CCNL2: variants seen among roughly 807,000 people sequenced by gnomAD.
The protein encoded by CCNL2 is cyclin-L2.
A neutral mutation model predicts 59.1 loss-of-function variants in CCNL2; 28 were observed. The observed-to-expected ratio is 0.47, with a 90% CI of 0.35 to 0.65. The LOEUF (loss-of-function observed/expected upper bound fraction) is 0.65. Ranked by LOEUF, CCNL2 falls within the 30% of genes least tolerant of loss-of-function variation. The pLI is 0.00. For synonymous variants in CCNL2, 342 were observed against 288.6 expected, an observed-to-expected ratio of 1.19 and a Z score of -1.88; for missense variants, 714 against 717.4, an observed-to-expected ratio of 1.00 and a Z score of 0.05.
At chr1:1,391,603 A>G (rs1178858481) in intron 5 of CCNL2, 2 of 1,271,282 alleles carry the variant, frequency 1.6e-6, no homozygotes, top group African/African-American at 1.5e-5. Context: ...TAGAATCAGA[A>G]GCAACACAAT....
intron 8 of CCNL2, chr1:1,388,532 A>G (rs1644582494): frequency 4.4e-6 from 2 of 452,514 alleles, no homozygotes; most frequent in Non-Finnish European, 8.8e-6. Flanking sequence ...AAAACAAAAC[A>G]AAACAAAAAA....
rs1644696747 is a variant in CCNL2 at position 1,390,331 on chromosome 1, TTTC to T, written c.902_904del (p.Arg301del). ...GGCCTTTGCCTCTTCGATAGCGTGC[TTTC>T]TTTTTTCCACTTCACCCTCCAGGTG... On this transcript the variant is annotated inframe_deletion, in exon 8 of 11. Transcript: ENST00000400809. 6.2e-7 allele frequency: 1 copy of T among 1,613,974 alleles called. No individual in the cohort carries two copies. Among genetic ancestry groups the T allele is most frequent in the Non-Finnish European group, 8.5e-7 (1 of 1,179,882 alleles).
At chr1:1,390,094 G>A (rs1644680111) in intron 8 of CCNL2, 136 bp downstream of exon 8, 12 of 807,586 alleles carry the variant, frequency 1.5e-5, no homozygotes. Flanking sequence ...CTCCAGCCTG[G>A]GTGACAGAGA....
chr1:1,385,753 TA>T lies in CCNL2; in HGVS notation c.*1477del, dbSNP rs917074259. 57 of 152,350 alleles carry T rather than the reference TA, an allele frequency of 3.7e-4. 1 individual carries two copies. Among genetic ancestry groups the T allele is most frequent in the African/African-American group, 1.3e-3 (54 of 41,566 alleles). The allele number at this position is 152,350 out of a possible 1,614,324, so 9.4% of individuals were successfully genotyped here. ...TTATGTCATAATAATATTTTACAAT[TA>T]TTTAGTAAAAAAAGAAAGCAAATGG... On this transcript the variant is annotated 3_prime_UTR_variant, in exon 11 of 11. Coordinates refer to ENST00000400809, the MANE Select transcript of CCNL2 (RefSeq NM_030937.6).
chr1:1,390,211 T>C lies in CCNL2; in HGVS notation c.1006+19A>G. On this transcript the variant is annotated intron_variant, in intron 8 of 10. Transcript: ENST00000400809. ...TTTGCCTTTGTGGGGAGTGGATTCC[T>C]GCACTCTAACAGACTCACCCAGCTT... is the stretch of plus-strand genomic sequence containing the variant. 2 of 1,589,886 alleles carry C rather than the reference T, an allele frequency of 1.3e-6. No homozygotes were observed. Among genetic ancestry groups the C allele is most frequent in the Non-Finnish European group, 1.7e-6 (2 of 1,163,424 alleles).
At chr1:1,398,115 A>G (rs1252132139) in intron 3 of CCNL2, 118 bp downstream of exon 3, 4 of 956,928 alleles carry the variant, frequency 4.2e-6, no homozygotes, top group Non-Finnish European at 4.7e-6. Flanking sequence ...GCGCTCATGA[A>G]TATCCCACAG....
intron 5 of CCNL2, chr1:1,391,719 A>G (rs1323907696): frequency 4.5e-6 from 2 of 448,258 alleles, no homozygotes; most frequent in Non-Finnish European, 7.4e-6. Context: ...AAAAATTTAC[A>G]TTTTTTAAAA....
chr1:1,392,744 T>C (rs1299200783), intron 5 of CCNL2: 1 of 1,606,922 alleles, frequency 6.2e-7, no homozygotes. Flanking sequence ...CCGCTGTCCC[T>C]GCACCAAAGC....
At chr1:1,396,557 C>T (rs116584203) in intron 3 of CCNL2, among the ~76,000 whole-genome samples, 1,807 of 141,372 alleles carry the variant, frequency 0.013, 39 homozygotes, top group African/African-American at 0.045. Flanking sequence ...TGAGCCACTG[C>T]GCTCGGCAAG....
chr1:1,387,760 C>T lies in CCNL2; in HGVS notation c.1211+17G>A, dbSNP rs780081134. On this transcript the variant is annotated intron_variant, in intron 10 of 10. Coordinates refer to ENST00000400809, the MANE Select transcript of CCNL2 (RefSeq NM_030937.6). The stretch of plus-strand genomic sequence containing the variant: ...CACCCCGGTATCGGCCTCCTGGGTG[C>T]GCCCTGAGGCACACACCTCCTCTTA... The T allele has an allele frequency of 1.3e-5, 20 of 1,534,708 alleles. No individual in the cohort carries two copies. Among genetic ancestry groups the T allele is most frequent in the Admixed American group, 3.7e-5 (2 of 54,414 alleles).
At chr1:1,395,098 G>GA (rs1313541302) in intron 4 of CCNL2, 2 of 319,618 alleles carry the variant, frequency 6.3e-6, no homozygotes, top group African/African-American at 4.3e-5. Context: ...TAACTGTAGA[G>GA]AAAGGAAAAC....
At chr1:1,398,557 A>G (rs1645180055) in intron 2 of CCNL2, 40 bp downstream of exon 2, 1 of 1,601,280 alleles carries the variant, frequency 6.2e-7, no homozygotes, top group Middle Eastern at 1.7e-4. Flanking sequence ...TTTACCCTCA[A>G]CATACTTCGC....
intron 3 of CCNL2, among the ~76,000 whole-genome samples, chr1:1,397,088 G>C (rs1645076873): frequency 6.6e-6 from 1 of 152,124 alleles, no homozygotes; most frequent in Admixed American, 6.6e-5. Context: ...CACCATATTG[G>C]TTAGGCTGGT....
chr1:1,391,550 C>G (rs1340192747), intron 5 of CCNL2: 1 of 1,305,210 alleles, frequency 7.7e-7, no homozygotes, highest in Admixed American at 2.3e-5. Flanking sequence ...AGAGCCGCTG[C>G]CAACTGTCCC....
rs1332904323 is a variant in CCNL2, at chr1:1,399,242, G to A, written c.65C>T (p.Ala22Val). ...GSAAPAAAAG[A>V]PGSGGAPSGS... Reference sequence around the variant, plus strand: ...TGAGGGTGCGCCCCCAGATCCCGGGGCGCCGGCCGCTGCCGCGGGAGCTGC... The same window carrying A: ...TGAGGGTGCGCCCCCAGATCCCGGGACGCCGGCCGCTGCCGCGGGAGCTGC... Residue 22 changes from alanine (A) to valine (V), a missense_variant, in exon 1 of 11, where the codon GCC becomes GTC. Ala to Val is a moderately conservative substitution (Grantham distance 64). Transcript: ENST00000400809. 6.3e-6 allele frequency: 10 copies of A among 1,590,098 alleles called. No homozygotes were observed. The highest frequency in any genetic ancestry group is 8.5e-6 in the Non-Finnish European group (10 of 1,170,784).
intron 5 of CCNL2, chr1:1,393,035 G>A: frequency 1.7e-6 from 1 of 605,810 alleles, no homozygotes; most frequent in Non-Finnish European, 2.9e-6. Context: ...CCTCTCCCAT[G>A]GGATGCAATG....
intron 8 of CCNL2, 197 bp from the exon 9 acceptor site, chr1:1,388,262 C>T: frequency 1.7e-6 from 1 of 580,816 alleles, no homozygotes; most frequent in Non-Finnish European, 3.1e-6. Flanking sequence ...GGGGCTCACG[C>T]CTGTGAGCCC....
chr1:1,393,016 T>C (rs1644833158), intron 5 of CCNL2: 12 of 618,480 alleles, frequency 1.9e-5, no homozygotes. Flanking sequence ...CCCCAGAACC[T>C]TCTCTGCCCC....
chr1:1,392,742 C>A, intron 5 of CCNL2: 1 of 1,606,216 alleles, frequency 6.2e-7, no homozygotes, highest in Non-Finnish European at 8.5e-7. Context: ...TGCCGCTGTC[C>A]CTGCACCAAA....
Sources: allele counts gnomAD v4.1 joint callset (sites outside exome capture counted in the v4.1 genomes callset), GRCh38; gene constraint gnomAD v4.1.1; transcripts MANE v1.5; gene names NCBI Gene and HGNC (gene_info 2026-07-23, HGNC 2026-07-21).